TARS3: variants seen among roughly 807,000 people sequenced by gnomAD.
TARS3 encodes the protein threonine--tRNA ligase 2, cytoplasmic.
Under a neutral mutation model 103.5 loss-of-function variants are expected in TARS3, and 94 were observed. That is an observed-to-expected ratio of 0.91 (90% CI 0.77 to 1.08). TARS3 has a LOEUF of 1.08. TARS3 is among the 50% of genes least tolerant of loss of function. The pLI, the probability that TARS3 is intolerant of heterozygous loss-of-function variation, is 0.00. For missense variants in TARS3, 952 were observed against 995.2 expected (o/e 0.96, Z 0.58); for synonymous variants, 416 against 355.4 (o/e 1.17, Z -1.92).
chr15:101,721,715 G>A (rs573056324), intron 2 of TARS3, among the ~76,000 whole-genome samples: 9 of 152,212 alleles, frequency 5.9e-5, no homozygotes, highest in South Asian at 2.1e-4. Context: ...GGCTGGTCTC[G>A]AACTCCTGAC....
chr15:101,692,697 G>A (rs1898780150), intron 10 of TARS3, among the ~76,000 whole-genome samples: 1 of 152,210 alleles, frequency 6.6e-6, no homozygotes, highest in Non-Finnish European at 1.5e-5. Context: ...CAGGCCTAGT[G>A]ATGGAGGGGA....
intron 3 of TARS3, among the ~76,000 whole-genome samples, chr15:101,718,829 C>T (rs1900301631): frequency 6.6e-6 from 1 of 152,208 alleles, no homozygotes; most frequent in African/African-American, 2.4e-5. Flanking sequence ...CCAGAGCCTA[C>T]TATGGCTAAC....
intron 13 of TARS3, among the ~76,000 whole-genome samples, chr15:101,672,434 C>T (rs1010904991): frequency 6.4e-4 from 97 of 152,320 alleles, no homozygotes; most frequent in African/African-American, 2.2e-3. Flanking sequence ...GTGGGCATTC[C>T]TGAGTCCTTG....
chr15:101,701,862 G>A (rs1899299432), intron 9 of TARS3, among the ~76,000 whole-genome samples: 1 of 152,030 alleles, frequency 6.6e-6, no homozygotes, highest in African/African-American at 2.4e-5. Context: ...TGCAACCTCC[G>A]CCTGCCGGGC....
chr15:101,680,819 A>G (rs1187047514), intron 12 of TARS3, among the ~76,000 whole-genome samples: 1 of 152,204 alleles, frequency 6.6e-6, no homozygotes, highest in Non-Finnish European at 1.5e-5. Context: ...AATCCAATTT[A>G]TCAACTTTTT....
chr15:101,707,867 A>G (rs2141439029), intron 6 of TARS3, among the ~76,000 whole-genome samples: 1 of 152,288 alleles, frequency 6.6e-6, no homozygotes, highest in African/African-American at 2.4e-5. Flanking sequence ...TTACTGCACA[A>G]AAAAGAATAC....
chr15:101,682,454 T>C (rs1242092359), intron 12 of TARS3, among the ~76,000 whole-genome samples: 1 of 152,172 alleles, frequency 6.6e-6, no homozygotes, highest in Non-Finnish European at 1.5e-5. Flanking sequence ...AATGATTCAT[T>C]TTCTAATGTT....
At chr15:101,668,822 G>C (rs1346695008) in intron 15 of TARS3, among the ~76,000 whole-genome samples, 1 of 152,120 alleles carries the variant, frequency 6.6e-6, no homozygotes, top group Non-Finnish European at 1.5e-5. Context: ...TTGTGGTGAG[G>C]CTGGTGTAAA....
rs2141406322 is a variant in TARS3 at position 101,684,196 on chromosome 15, G to C, written c.1529C>G (p.Pro510Arg). The C allele has an allele frequency of 1.9e-6, 3 of 1,613,970 alleles. No homozygotes were observed. In the East Asian group the frequency reaches 6.7e-5, roughly 36 times the overall value. Residue 510 changes from proline (P) to arginine (R), a missense_variant, in exon 12 of 19, where the codon CCT (proline) becomes CGT (arginine). By Grantham distance (103) the Pro-to-Arg change is moderately radical. Around this residue, in one of 2 missense-constraint regions of TARS3, gnomAD observed 540 missense variants for 631.0 expected, o/e 0.86. Transcript: ENST00000335968. Reference protein sequence around the residue: ...AHRPRSWREMPIRFADFGVLH... With the variant: ...AHRPRSWREMRIRFADFGVLH... ...AACTCCAAAATCAGCAAATCTAATA[G>C]GCATTTCCCTCCAAGATCGTGGACG... is the stretch of plus-strand genomic sequence containing the variant.
At chr15:101,721,691 C>T (rs560203885) in intron 2 of TARS3, among the ~76,000 whole-genome samples, 1 of 152,122 alleles carries the variant, frequency 6.6e-6, no homozygotes, top group African/African-American at 2.4e-5. Flanking sequence ...GATGGGGTTT[C>T]GCCATGTTGG....
chr15:101,672,644 G>A (rs907580959), intron 13 of TARS3, among the ~76,000 whole-genome samples: 1 of 152,098 alleles, frequency 6.6e-6, no homozygotes, highest in African/African-American at 2.4e-5. Flanking sequence ...GCCTTTCCCA[G>A]GACCTCAGTC....
chr15:101,698,665 T>C (rs910494719), intron 10 of TARS3, among the ~76,000 whole-genome samples: 2 of 152,218 alleles, frequency 1.3e-5, no homozygotes, highest in African/African-American at 4.8e-5. Context: ...AGGTGGCTGA[T>C]AGATAACTTG....
intron 12 of TARS3, among the ~76,000 whole-genome samples, chr15:101,678,495 C>T (rs968086): frequency 0.3 from 44,897 of 149,476 alleles, 7,459 homozygotes; most frequent in East Asian, 0.69. Flanking sequence ...TAGTGTATCC[C>T]TGTCTATAGC....
At chr15:101,660,220 A>G (rs907979193) in intron 16 of TARS3, among the ~76,000 whole-genome samples, 1 of 152,240 alleles carries the variant, frequency 6.6e-6, no homozygotes, top group African/African-American at 2.4e-5. Flanking sequence ...GTTTCTGAAG[A>G]GAGAGCTAAA....
chr15:101,711,762 C>T, intron 5 of TARS3, 118 bp downstream of exon 5: 1 of 1,209,858 alleles, frequency 8.3e-7, no homozygotes, highest in Non-Finnish European at 1.1e-6. Context: ...GGCGTCGGTG[C>T]CCCTAACCCC....
intron 10 of TARS3, 103 bp from the exon 11 acceptor site, chr15:101,686,165 A>G: frequency 1.9e-6 from 2 of 1,047,784 alleles, no homozygotes. Context: ...CTCATGTCCT[A>G]TATTAATTCA....
At chr15:101,709,978 G>C (rs1251946837) in intron 5 of TARS3, among the ~76,000 whole-genome samples, 5 of 152,182 alleles carry the variant, frequency 3.3e-5, no homozygotes, top group African/African-American at 1.2e-4. Flanking sequence ...CTTCAGAGCA[G>C]GAACTGGTCA....
rs1189498071 is a variant in TARS3, at chr15:101,671,661, G to C, written c.1866+10C>G. On this transcript the variant is annotated intron_variant, in intron 14 of 18. Coordinates refer to ENST00000335968, the MANE Select transcript of TARS3 (RefSeq NM_152334.3). The stretch of plus-strand genomic sequence containing the variant: ...ACATTTTGCTGTTTTGAAGCATGTG[G>C]TCGACTCACTTTAGGGCCATAAAAT... 6 of 1,613,758 alleles carry C rather than the reference G, an allele frequency of 3.7e-6. No homozygotes were observed. Among genetic ancestry groups the C allele is most frequent in the Middle Eastern group, 1.7e-4 (1 of 6,060 alleles).
chr15:101,707,128 C>A (rs1482581011), intron 6 of TARS3, among the ~76,000 whole-genome samples: 1 of 151,916 alleles, frequency 6.6e-6, no homozygotes, highest in African/African-American at 2.4e-5. Flanking sequence ...AAAACAAAAC[C>A]CCAATGAGAT....
Sources: allele counts gnomAD v4.1 joint callset (sites outside exome capture counted in the v4.1 genomes callset), GRCh38; gene constraint gnomAD v4.1.1; regional missense constraint gnomAD v4.1.1; transcripts MANE v1.5; gene names NCBI Gene and HGNC (gene_info 2026-07-23, HGNC 2026-07-21).